Variants in CHD2 observed in about 807,000 individuals in gnomAD.
The protein encoded by CHD2 is chromodomain helicase DNA binding protein 2.
In CHD2, 28 loss-of-function variants were observed where a neutral mutation model predicts 243.9. That is an observed-to-expected ratio of 0.11 (90% confidence interval 0.09 to 0.16). CHD2 has a LOEUF of 0.16. CHD2 is among the 10% of genes least tolerant of loss of function. The pLI is 1.00. For missense variants in CHD2, 1,386 were observed against 2,209.8 expected (o/e 0.63, Z 7.47); for synonymous variants, 775 against 779.0 (o/e 0.99, Z 0.09).
chr15:92,928,376 G>T (rs1054378916), intron 4 of CHD2, among the ~76,000 whole-genome samples: 3 of 152,182 alleles, frequency 2.0e-5, no homozygotes, highest in Non-Finnish European at 4.4e-5. Context: ...ACAGCAATAG[G>T]AATAGTTTGC....
chr15:92,927,034 G>A, intron 3 of CHD2, among the ~76,000 whole-genome samples: 1 of 152,028 alleles, frequency 6.6e-6, no homozygotes, highest in Non-Finnish European at 1.5e-5. Flanking sequence ...ATTTATAGCT[G>A]TTAAGTAATG....
At chr15:93,006,219 C>T (rs539442067) in intron 34 of CHD2, among the ~76,000 whole-genome samples, 1 of 150,138 alleles carries the variant, frequency 6.7e-6, no homozygotes, top group East Asian at 2.0e-4. Flanking sequence ...CTCTGCCTCT[C>T]CGGTTCAAGC....
intron 2 of CHD2, among the ~76,000 whole-genome samples, chr15:92,906,778 GAAACTT>G (rs1309077894): frequency 2.0e-5 from 3 of 149,940 alleles, no homozygotes; most frequent in African/African-American, 7.4e-5. Flanking sequence ...CTTGAACAAA[GAAACTT>G]AAAAAAAAAT....
At chr15:92,940,242 C>T (rs1288143717) in intron 7 of CHD2, among the ~76,000 whole-genome samples, 1 of 152,156 alleles carries the variant, frequency 6.6e-6, no homozygotes, top group East Asian at 1.9e-4. Flanking sequence ...TTGCTTGAGC[C>T]CAGGGGTTTG....
intron 2 of CHD2, chr15:92,904,487 CGAGG>C: frequency 1.0e-6 from 1 of 989,978 alleles, no homozygotes; most frequent in Middle Eastern, 2.8e-4. Flanking sequence ...AGCCGCACGC[CGAGG>C]GGAAAAGGAA....
rs2053323550 is a variant in CHD2, at chr15:92,939,538, AAAG to A, written c.552-39_552-37del. 3 of 1,594,832 alleles carry A rather than the reference AAAG, an allele frequency of 1.9e-6. No individual in the cohort carries two copies. The African/African-American group carries it at 4.1e-5, about 22-fold the overall frequency. On this transcript the variant is annotated intron_variant, in intron 6 of 38. Transcript: ENST00000394196. ...TTATATAAAGTAGACACCAAATGAT[AAAG>A]TGAAGACTTAGCCTTTTGTTTCTCT...
intron 2 of CHD2, among the ~76,000 whole-genome samples, chr15:92,910,613 C>G (rs1234379729): frequency 2.0e-5 from 3 of 152,090 alleles, no homozygotes; most frequent in Non-Finnish European, 4.4e-5. Flanking sequence ...TCAGGCTGGT[C>G]TCAGACTCCT....
rs1235305291 is a variant in CHD2 at position 92,993,703 on chromosome 15, G to T, written c.3595+705G>T. On this transcript the variant is annotated intron_variant, in intron 28 of 38. Transcript: ENST00000394196. ...CACGCCTGTAATCCCAGCAGTTTGG[G>T]AGGCTGAGGCCAGAGGATCACTTGA... Among the ~76,000 whole-genome samples the T allele has an allele frequency of 2.0e-5, 3 of 152,334 alleles. No individual in the cohort carries two copies. The East Asian group carries it at 5.8e-4, about 29-fold the overall frequency.
chr15:92,973,344 A>G (rs531874185), intron 19 of CHD2, among the ~76,000 whole-genome samples: 6 of 152,266 alleles, frequency 3.9e-5, no homozygotes, highest in Non-Finnish European at 8.8e-5. Context: ...TCTCTGATCT[A>G]TTTATAGACA....
At chr15:92,948,816 G>T in intron 12 of CHD2, 136 bp from the exon 13 acceptor site, 1 of 931,690 alleles carries the variant, frequency 1.1e-6, no homozygotes, top group Non-Finnish European at 1.6e-6. Context: ...TCCAGCCTGG[G>T]TGACAGAGCA....
At chr15:92,995,833 A>G (rs1023945269) in intron 28 of CHD2, among the ~76,000 whole-genome samples, 2 of 152,216 alleles carry the variant, frequency 1.3e-5, no homozygotes, top group African/African-American at 2.4e-5. Context: ...GATATTCCCA[A>G]ATCCTTCTGC....
intron 4 of CHD2, among the ~76,000 whole-genome samples, chr15:92,928,187 A>G (rs1382742830): frequency 6.6e-6 from 1 of 152,210 alleles, no homozygotes; most frequent in Non-Finnish European, 1.5e-5. Flanking sequence ...TAACATCTGC[A>G]TTACATTTGT....
intron 37 of CHD2, among the ~76,000 whole-genome samples, chr15:93,019,276 A>G (rs187187579): frequency 2.6e-5 from 4 of 152,292 alleles, no homozygotes; most frequent in African/African-American, 9.6e-5. Flanking sequence ...GTGTAACCGG[A>G]GGATATTACT....
chr15:92,968,856 G>A (rs994082832), intron 17 of CHD2, among the ~76,000 whole-genome samples: 8 of 152,126 alleles, frequency 5.3e-5, no homozygotes, highest in Non-Finnish European at 2.9e-5. Flanking sequence ...TAGCTAGTGG[G>A]AACTCATTCA....
chr15:92,935,137 G>A (rs967303772), intron 5 of CHD2, among the ~76,000 whole-genome samples: 1 of 150,738 alleles, frequency 6.6e-6, no homozygotes, highest in Non-Finnish European at 1.5e-5. Flanking sequence ...CCGGGTTCAC[G>A]CCATTCTCCT....
chr15:92,935,389 C>A (rs1298723248), intron 5 of CHD2, among the ~76,000 whole-genome samples: 2 of 152,158 alleles, frequency 1.3e-5, no homozygotes, highest in African/African-American at 4.8e-5. Flanking sequence ...GTTCATAAGT[C>A]TGTAAATCTG....
rs2053177690 is a variant in CHD2 at position 92,932,015 on chromosome 15, A to G, written c.443+2924A>G. On this transcript the variant is annotated intron_variant, in intron 5 of 38. Coordinates refer to ENST00000394196, the MANE Select transcript of CHD2 (RefSeq NM_001271.4). ...GTAGCTGGGACTACAGGCGTGCGCC[A>G]CCACGTCCAGCTAATTTTTTCTATT... Among the ~76,000 whole-genome samples the G allele has an allele frequency of 4.6e-5, 7 of 152,034 alleles. No homozygotes were observed. In the South Asian group the frequency reaches 1.5e-3, roughly 32 times the overall value.
intron 6 of CHD2, among the ~76,000 whole-genome samples, chr15:92,937,881 C>G (rs548935610): frequency 6.6e-6 from 1 of 152,286 alleles, no homozygotes; most frequent in African/African-American, 2.4e-5. Context: ...AGGGTACAGT[C>G]TCTTTTTGGG....
At chr15:92,910,791 G>A (rs1277850385) in intron 2 of CHD2, among the ~76,000 whole-genome samples, 2 of 152,196 alleles carry the variant, frequency 1.3e-5, no homozygotes, top group Non-Finnish European at 2.9e-5. Flanking sequence ...TGTTTATGCT[G>A]GTTGTACGGT....
Sources: gnomAD v4.1 joint callset for allele counts (sites outside exome capture counted in the v4.1 genomes callset) on GRCh38, gnomAD v4.1.1 for gene constraint, MANE v1.5 for transcripts, NCBI Gene and HGNC (gene_info 2026-07-23, HGNC 2026-07-21) for gene names.